The following CCSER1 variants were observed in gnomAD, a reference collection of about 807,000 sequenced individuals.
The protein encoded by CCSER1 is serine-rich coiled-coil domain-containing protein 1.
A neutral mutation model predicts 82.0 loss-of-function variants in CCSER1; 41 were observed. That is an observed-to-expected ratio of 0.50 (90% CI 0.39 to 0.65). The LOEUF (loss-of-function observed/expected upper bound fraction) is 0.65, where lower values mean the gene tolerates loss of function less well. CCSER1 is among the 30% of genes least tolerant of loss of function. The probability of loss-of-function intolerance (pLI) is 0.00; values close to 1 mark genes in which losing one functional copy is unlikely to be tolerated. For missense variants in CCSER1, 1,119 were observed against 1,064.2 expected (o/e 1.05, Z -0.72); for synonymous variants, 414 against 383.9 (o/e 1.08, Z -0.92).
intron 7 of CCSER1, among the ~76,000 whole-genome samples, chr4:90,746,889 G>A (rs989863888): frequency 6.6e-6 from 1 of 152,152 alleles, no homozygotes; most frequent in Non-Finnish European, 1.5e-5. Context: ...TGCAATGCTG[G>A]TAAATGACCA....
chr4:91,412,183 C>T (rs1032292745), intron 10 of CCSER1, among the ~76,000 whole-genome samples: 2 of 152,108 alleles, frequency 1.3e-5, no homozygotes, highest in East Asian at 3.9e-4. Context: ...GTCCCAACTC[C>T]AGAGCCTATC....
intron 3 of CCSER1, among the ~76,000 whole-genome samples, chr4:90,371,507 A>C (rs901279908): frequency 1.3e-5 from 2 of 151,854 alleles, no homozygotes; most frequent in African/African-American, 4.8e-5. Context: ...AATGAAAATA[A>C]ATAATAACCA....
rs116815224 is a variant in CCSER1 at position 90,947,318 on chromosome 4, G to A, written c.2172+23871G>A. The stretch of plus-strand genomic sequence containing the variant: ...GGTAAATATGCTATGTTACTGACAC[G>A]AAATATCTTGGATTCCATCATGTTT... On this transcript the variant is annotated intron_variant, in intron 9 of 10. Transcript: ENST00000509176. Among the ~76,000 whole-genome samples the A allele has an allele frequency of 2.7e-3, 414 of 152,148 alleles. 1 individual carries two copies. The highest frequency in any genetic ancestry group is 0.015 in the East Asian group (76 of 5,172).
At chr4:91,075,222 A>G (rs1721853302) in intron 9 of CCSER1, among the ~76,000 whole-genome samples, 1 of 151,192 alleles carries the variant, frequency 6.6e-6, no homozygotes, top group Non-Finnish European at 1.5e-5. Context: ...TTCCTGCCGT[A>G]CTAAACCATC....
At chr4:91,308,592 C>T (rs1745235547) in intron 10 of CCSER1, among the ~76,000 whole-genome samples, 1 of 96,098 alleles carries the variant, frequency 1.0e-5, no homozygotes, top group Non-Finnish European at 2.2e-5. Flanking sequence ...AACTTATTTG[C>T]TCAGTGCATT....
intron 10 of CCSER1, among the ~76,000 whole-genome samples, chr4:91,367,434 C>T (rs1272131182): frequency 1.4e-5 from 2 of 142,034 alleles, no homozygotes; most frequent in Middle Eastern, 3.7e-3. Flanking sequence ...TGATTTCTTT[C>T]TTTTTTTTTT....
chr4:91,479,456 TCA>T (rs932945283), intron 10 of CCSER1, among the ~76,000 whole-genome samples: 6 of 151,540 alleles, frequency 4.0e-5, no homozygotes, highest in Admixed American at 6.6e-5. Flanking sequence ...ACTAGAAGAA[TCA>T]CACACAAAAA....
chr4:90,921,761 C>T (rs1728414697), intron 8 of CCSER1, among the ~76,000 whole-genome samples: 1 of 151,910 alleles, frequency 6.6e-6, no homozygotes, highest in Non-Finnish European at 1.5e-5. Context: ...CTAATTCATA[C>T]AAAAAAGTTT....
chr4:91,091,190 T>A (rs568703413), intron 10 of CCSER1, among the ~76,000 whole-genome samples: 1 of 152,344 alleles, frequency 6.6e-6, no homozygotes, highest in South Asian at 2.1e-4. Context: ...TATAAGATTA[T>A]GCGTTTGGGC....
chr4:90,727,302 GA>G, intron 7 of CCSER1: 2 of 455,538 alleles, frequency 4.4e-6, no homozygotes, highest in South Asian at 3.1e-5. Flanking sequence ...GCATAGGTAG[GA>G]ACAAAATGTT....
chr4:90,479,715 T>C (rs1440278230), intron 5 of CCSER1, among the ~76,000 whole-genome samples: 1 of 152,212 alleles, frequency 6.6e-6, no homozygotes, highest in Non-Finnish European at 1.5e-5. Context: ...CTCATCCTTT[T>C]TTATGGCTGT....
At position 90,239,696 on chromosome 4, in the gene CCSER1, C is replaced by T. The variant is rs78151251; in HGVS notation, c.-41-68548C>T. On this transcript the variant is annotated intron_variant, in intron 1 of 10. Transcript: ENST00000509176. Reference sequence around the variant, plus strand: ...CTCTTGCATTGTTGCTCAGTCTAATCTCGAACGCCTGGTCTCAAGTGACTC... The same window carrying T: ...CTCTTGCATTGTTGCTCAGTCTAATTTCGAACGCCTGGTCTCAAGTGACTC... Among the ~76,000 whole-genome samples, 700 of 152,130 alleles carry T rather than the reference C, an allele frequency of 4.6e-3. 3 individuals carry two copies. The highest frequency in any genetic ancestry group is 0.018 in the South Asian group (86 of 4,814).
chr4:90,879,501 GA>G (rs1345709615), intron 8 of CCSER1, among the ~76,000 whole-genome samples: 1,878 of 143,920 alleles, frequency 0.013, 35 homozygotes, highest in African/African-American at 0.047. Context: ...AGAAGAAGAA[GA>G]AGAAGAAGAA....
chr4:91,318,579 T>C (rs1165321127), intron 10 of CCSER1, among the ~76,000 whole-genome samples: 1 of 151,998 alleles, frequency 6.6e-6, no homozygotes, highest in African/African-American at 2.4e-5. Flanking sequence ...AAGATTATTG[T>C]AAGGATCAAA....
At chr4:90,438,276 T>C (rs1759340685) in intron 4 of CCSER1, among the ~76,000 whole-genome samples, 1 of 152,184 alleles carries the variant, frequency 6.6e-6, no homozygotes, top group Admixed American at 6.5e-5. Flanking sequence ...GGGCAAGATA[T>C]ATAAATTAAG....
chr4:90,656,715 G>C (rs971098185), intron 6 of CCSER1, among the ~76,000 whole-genome samples: 1 of 151,436 alleles, frequency 6.6e-6, no homozygotes, highest in Admixed American at 6.6e-5. Flanking sequence ...TGTCCCTCTT[G>C]TTCTATGTTC....
chr4:91,092,874 C>T (rs1191323888), intron 10 of CCSER1, among the ~76,000 whole-genome samples: 1 of 152,132 alleles, frequency 6.6e-6, no homozygotes, highest in African/African-American at 2.4e-5. Context: ...TCAGGGGTTT[C>T]CTTGGCTCAC....
At chr4:90,789,928 T>C (rs1197468479) in intron 7 of CCSER1, among the ~76,000 whole-genome samples, 1 of 152,194 alleles carries the variant, frequency 6.6e-6, no homozygotes, top group Non-Finnish European at 1.5e-5. Flanking sequence ...TCATTATATA[T>C]TTTACCTTAA....
At chr4:90,905,897 G>A (rs759422590) in intron 8 of CCSER1, among the ~76,000 whole-genome samples, 33 of 151,986 alleles carry the variant, frequency 2.2e-4, no homozygotes, top group Non-Finnish European at 4.7e-4. Flanking sequence ...ATATAAATAT[G>A]CAAAATAATA....
Sources: allele counts gnomAD v4.1 joint callset (sites outside exome capture counted in the v4.1 genomes callset), GRCh38; gene constraint gnomAD v4.1.1; transcripts MANE v1.5; gene names NCBI Gene and HGNC (gene_info 2026-07-23, HGNC 2026-07-21).